The following ALCAM variants were observed in gnomAD, a reference collection of about 807,000 sequenced individuals.
The protein encoded by ALCAM is CD166 antigen.
In ALCAM, 30 loss-of-function variants were observed where a neutral mutation model predicts 70.9. The ratio of observed to expected loss-of-function variants is 0.42; its 90% confidence interval spans 0.32 to 0.57. The LOEUF (loss-of-function observed/expected upper bound fraction) is 0.57. ALCAM is among the 20% of genes least tolerant of loss of function. The pLI, the probability that ALCAM is intolerant of heterozygous loss-of-function variation, is 0.11. For synonymous variants in ALCAM, 249 were observed against 242.5 expected (o/e 1.03, Z -0.25); for missense variants, 591 against 695.1 (o/e 0.85, Z 1.68).
At chr3:105,378,394 A>T (rs560128151) in intron 1 of ALCAM, among the ~76,000 whole-genome samples, 2 of 151,954 alleles carry the variant, frequency 1.3e-5, no homozygotes, top group African/African-American at 2.4e-5. Flanking sequence ...CTTATACTTT[A>T]TTCTGCAAGC....
At chr3:105,485,082 G>A (rs888370570) in intron 1 of ALCAM, among the ~76,000 whole-genome samples, 6 of 151,772 alleles carry the variant, frequency 4.0e-5, no homozygotes, top group South Asian at 2.1e-4. Flanking sequence ...ATCAAATCTC[G>A]AATTATGAAA....
At chr3:105,407,117 C>A (rs1936256015) in intron 1 of ALCAM, among the ~76,000 whole-genome samples, 2 of 152,068 alleles carry the variant, frequency 1.3e-5, no homozygotes, top group Non-Finnish European at 2.9e-5. Flanking sequence ...CAGCTGAATT[C>A]TATTAGACAT....
rs1007553949 is a variant in ALCAM, at chr3:105,436,598, A to G, written c.73+69117A>G. Among the ~76,000 whole-genome samples, 5 of 152,340 alleles carry G rather than the reference A, an allele frequency of 3.3e-5. No individual in the cohort carries two copies. The South Asian group carries it at 6.2e-4, about 19-fold the overall frequency. On this transcript the variant is annotated intron_variant, in intron 1 of 15. Transcript: ENST00000306107. ...CGCCTCAGCCTCCCAAAGTGCTGGG[A>G]TTACAGGCATGAGCCTGTATTTAAT...
At chr3:105,424,917 G>A (rs936648569) in intron 1 of ALCAM, among the ~76,000 whole-genome samples, 5 of 151,688 alleles carry the variant, frequency 3.3e-5, no homozygotes, top group Non-Finnish European at 7.4e-5. Context: ...AATCAAAATG[G>A]AATACATGCT....
At chr3:105,398,487 A>G (rs569230227) in intron 1 of ALCAM, among the ~76,000 whole-genome samples, 3 of 152,206 alleles carry the variant, frequency 2.0e-5, no homozygotes, top group South Asian at 4.1e-4. Flanking sequence ...TTTCAATTTA[A>G]TCATCACTTT....
intron 1 of ALCAM, among the ~76,000 whole-genome samples, chr3:105,410,251 C>G (rs1015536625): frequency 7.9e-5 from 12 of 151,962 alleles, no homozygotes; most frequent in Admixed American, 7.9e-4. Flanking sequence ...ATGGGTCACC[C>G]AGAATTAGCA....
chr3:105,406,599 G>A (rs1201014692), intron 1 of ALCAM, among the ~76,000 whole-genome samples: 1 of 151,952 alleles, frequency 6.6e-6, no homozygotes, highest in Non-Finnish European at 1.5e-5. Flanking sequence ...GTTTGAAAAA[G>A]CACAAATAGA....
rs1940273508 is a variant in ALCAM at position 105,547,307 on chromosome 3, A to G, written c.1240+23A>G. On this transcript the variant is annotated intron_variant, in intron 10 of 15. Coordinates refer to ENST00000306107, the MANE Select transcript of ALCAM (RefSeq NM_001627.4). ...AAGGTAATAAAATACTTGGGCACTA[A>G]TTCAAATTGTTCTTTGAGAATTTTT... 3 of 1,580,876 alleles carry G rather than the reference A, an allele frequency of 1.9e-6. No individual in the cohort carries two copies. The East Asian group carries it at 6.7e-5, about 36-fold the overall frequency.
chr3:105,431,388 A>G (rs1936928981), intron 1 of ALCAM, among the ~76,000 whole-genome samples: 1 of 152,168 alleles, frequency 6.6e-6, no homozygotes, highest in African/African-American at 2.4e-5. Flanking sequence ...CTCAGATGAC[A>G]TAAGTGGAGC....
At chr3:105,522,512 C>T (rs1186985808) in intron 2 of ALCAM, among the ~76,000 whole-genome samples, 1 of 152,064 alleles carries the variant, frequency 6.6e-6, no homozygotes, top group African/African-American at 2.4e-5. Flanking sequence ...AAGAAATGGC[C>T]TGATTTCTCC....
chr3:105,559,820 G>T (rs968021044), intron 14 of ALCAM, among the ~76,000 whole-genome samples: 4 of 152,022 alleles, frequency 2.6e-5, no homozygotes, highest in African/African-American at 9.7e-5. Flanking sequence ...TATAGAAAAG[G>T]TACTCTTTTA....
chr3:105,405,149 T>C (rs1315937354), intron 1 of ALCAM, among the ~76,000 whole-genome samples: 2 of 151,736 alleles, frequency 1.3e-5, no homozygotes, highest in Non-Finnish European at 2.9e-5. Flanking sequence ...TGGTGGCACA[T>C]GCCTGTAATC....
At chr3:105,501,232 G>A (rs1938911824) in intron 1 of ALCAM, among the ~76,000 whole-genome samples, 1 of 152,158 alleles carries the variant, frequency 6.6e-6, no homozygotes, top group Non-Finnish European at 1.5e-5. Context: ...ATAAATCATT[G>A]TAAACAAAGC....
intron 1 of ALCAM, among the ~76,000 whole-genome samples, chr3:105,470,792 C>T (rs1180122720): frequency 1.3e-5 from 2 of 151,100 alleles, no homozygotes; most frequent in Admixed American, 6.6e-5. Context: ...TATGTTCATT[C>T]CCTTCCATAG....
intron 1 of ALCAM, among the ~76,000 whole-genome samples, chr3:105,370,821 C>T (rs545635337): frequency 3.3e-4 from 50 of 152,046 alleles, no homozygotes; most frequent in Non-Finnish European, 6.3e-4. Context: ...CCTCAGAAAG[C>T]CCTGCTAGTG....
chr3:105,391,688 A>G (rs1471273726), intron 1 of ALCAM, among the ~76,000 whole-genome samples: 1 of 152,104 alleles, frequency 6.6e-6, no homozygotes, highest in African/African-American at 2.4e-5. Context: ...GAATGCTTCC[A>G]GCTTTTGCCC....
intron 1 of ALCAM, among the ~76,000 whole-genome samples, chr3:105,503,092 T>G (rs1350454232): frequency 1.3e-5 from 2 of 152,370 alleles, no homozygotes; most frequent in African/African-American, 2.4e-5. Flanking sequence ...GGTTTTTCTC[T>G]TTCTGTAGTT....
chr3:105,398,259 C>G (rs1936003055), intron 1 of ALCAM, among the ~76,000 whole-genome samples: 1 of 152,088 alleles, frequency 6.6e-6, no homozygotes, highest in Non-Finnish European at 1.5e-5. Flanking sequence ...CTATGCTGTG[C>G]TGACCCATGC....
Position 105,436,528 on chromosome 3 carries a change from C to T in ALCAM, c.73+69047C>T, listed in dbSNP as rs138763240. 3.1e-3 allele frequency among the ~76,000 whole-genome samples: 471 copies of T among 151,980 alleles called. 3 individuals carry two copies. Among genetic ancestry groups the T allele is most frequent in the African/African-American group, 0.011 (448 of 41,462 alleles). ...ATTTTTAGTAGAGATGGGGTTTCAC[C>T]GTATTAGCCAGGATGGTCTTGATCT... is the stretch of plus-strand genomic sequence containing the variant. On this transcript the variant is annotated intron_variant, in intron 1 of 15. Coordinates refer to ENST00000306107, the MANE Select transcript of ALCAM (RefSeq NM_001627.4).
Sources: gnomAD v4.1 joint callset for allele counts (sites outside exome capture counted in the v4.1 genomes callset) on GRCh38, gnomAD v4.1.1 for gene constraint, MANE v1.5 for transcripts, NCBI Gene and HGNC (gene_info 2026-07-23, HGNC 2026-07-21) for gene names.